SLC24A2: variants seen among roughly 807,000 people sequenced by gnomAD.
SLC24A2 encodes the protein solute carrier family 24 member 2.
A neutral mutation model predicts 62.0 loss-of-function variants in SLC24A2; 36 were observed. The ratio of observed to expected loss-of-function variants is 0.58; its 90% CI spans 0.44 to 0.77. The LOEUF is 0.77. Ranked by LOEUF, SLC24A2 falls within the 30% of genes least tolerant of loss-of-function variation. The pLI is 0.00. For missense variants in SLC24A2, 846 were observed against 817.9 expected (o/e 1.03, Z -0.42); for synonymous variants, 358 against 294.0 (o/e 1.22, Z -2.23).
At chr9:20,232,451 G>T in the SLC24A2 span, among the ~76,000 whole-genome samples, 1 of 152,046 alleles carries the variant, frequency 6.6e-6, no homozygotes, top group African/African-American at 2.4e-5. Flanking sequence ...ACTTCTTCCT[G>T]GTTTAGTCTT....
At chr9:19,658,921 C>T (rs10964245) in intron 2 of SLC24A2, among the ~76,000 whole-genome samples, 33,369 of 152,134 alleles carry the variant, frequency 0.22, 4,302 homozygotes, top group Non-Finnish European at 0.3. Context: ...TGAACCTTCA[C>T]GCAACGAACG....
chr9:19,828,800 G>T, the SLC24A2 span, among the ~76,000 whole-genome samples: 1 of 152,204 alleles, frequency 6.6e-6, no homozygotes, highest in Non-Finnish European at 1.5e-5. Flanking sequence ...AAGTCATCCA[G>T]CATCAGCTGC....
intron 9 of SLC24A2, 34 bp downstream of exon 9, chr9:19,528,015 A>C (rs1833519444): frequency 7.6e-7 from 1 of 1,322,608 alleles, no homozygotes; most frequent in African/African-American, 1.4e-5. Flanking sequence ...CTGGAGAAAA[A>C]CAAGGCAGAG....
At chr9:20,168,912 A>T in the SLC24A2 span, among the ~76,000 whole-genome samples, 1 of 152,054 alleles carries the variant, frequency 6.6e-6, no homozygotes, top group Non-Finnish European at 1.5e-5. Flanking sequence ...CAATGTTCAT[A>T]CCAGTACTAT....
chr9:19,709,061 A>T (rs1820627908), intron 2 of SLC24A2, among the ~76,000 whole-genome samples: 1 of 152,252 alleles, frequency 6.6e-6, no homozygotes, highest in Non-Finnish European at 1.5e-5. Context: ...ATTTACAAGA[A>T]AAAAACAAAC....
intron 2 of SLC24A2, among the ~76,000 whole-genome samples, chr9:19,759,391 G>T (rs1234197176): frequency 1.3e-5 from 2 of 152,158 alleles, no homozygotes; most frequent in Non-Finnish European, 2.9e-5. Context: ...TCAAGGAATA[G>T]ATTAATATTC....
intron 2 of SLC24A2, among the ~76,000 whole-genome samples, chr9:19,637,559 T>C (rs1311626050): frequency 2.6e-5 from 4 of 152,224 alleles, no homozygotes; most frequent in African/African-American, 9.6e-5. Context: ...ACCTGACTGG[T>C]CATTTTGGAA....
At chr9:19,893,673 T>C in the SLC24A2 span, among the ~76,000 whole-genome samples, 19 of 152,040 alleles carry the variant, frequency 1.2e-4, no homozygotes, top group African/African-American at 2.7e-4. Context: ...TCTCAGAGGG[T>C]TTAAGGTTGT....
At chr9:20,250,636 C>A in the SLC24A2 span, among the ~76,000 whole-genome samples, 2 of 151,728 alleles carry the variant, frequency 1.3e-5, no homozygotes, top group Admixed American at 1.3e-4. Flanking sequence ...GTGCTGAACA[C>A]AAGAGCCTAT....
At chr9:19,785,028 A>AT (rs1361630469) in intron 2 of SLC24A2, among the ~76,000 whole-genome samples, 1 of 152,184 alleles carries the variant, frequency 6.6e-6, no homozygotes, top group Non-Finnish European at 1.5e-5. Context: ...CTATGTAGGT[A>AT]TTTTGGCTTT....
At chr9:20,068,915 C>T in the SLC24A2 span, among the ~76,000 whole-genome samples, 1 of 152,058 alleles carries the variant, frequency 6.6e-6, no homozygotes, top group Non-Finnish European at 1.5e-5. Context: ...TCTTTATTTC[C>T]AGTTCACAGC....
chr9:19,950,344 T>G, the SLC24A2 span, among the ~76,000 whole-genome samples: 1 of 152,270 alleles, frequency 6.6e-6, no homozygotes, highest in East Asian at 1.9e-4. Flanking sequence ...TTAAGCTATT[T>G]GGTCTCTGAT....
intron 4 of SLC24A2, among the ~76,000 whole-genome samples, chr9:19,602,518 A>G (rs1163418981): frequency 6.6e-6 from 1 of 152,246 alleles, no homozygotes; most frequent in Non-Finnish European, 1.5e-5. Flanking sequence ...CATCAGGTAC[A>G]TTGAGACCTG....
At chr9:19,765,789 T>G (rs991591885) in intron 2 of SLC24A2, among the ~76,000 whole-genome samples, 1 of 152,224 alleles carries the variant, frequency 6.6e-6, no homozygotes, top group Admixed American at 6.5e-5. Context: ...GTTGCTCTTC[T>G]CGAGGAGTAT....
the SLC24A2 span, among the ~76,000 whole-genome samples, chr9:20,111,652 G>C: frequency 6.6e-6 from 1 of 152,096 alleles, no homozygotes; most frequent in Non-Finnish European, 1.5e-5. Flanking sequence ...TACTGAGACA[G>C]AATCTGCATC....
At chr9:20,263,861 G>GCCCCACCCC in the SLC24A2 span, among the ~76,000 whole-genome samples, 1 of 30,840 alleles carries the variant, frequency 3.2e-5, no homozygotes, top group South Asian at 1.5e-3. Context: ...TATCCCACCC[G>GCCCCACCCC]CCCCCCCCCC....
chr9:19,985,301 C>T, the SLC24A2 span, among the ~76,000 whole-genome samples: 2 of 152,070 alleles, frequency 1.3e-5, no homozygotes, highest in Non-Finnish European at 1.5e-5. Context: ...ATGTACATAG[C>T]AACTTCATTC....
At chr9:19,921,735 A>G in the SLC24A2 span, among the ~76,000 whole-genome samples, 1 of 152,048 alleles carries the variant, frequency 6.6e-6, no homozygotes, top group African/African-American at 2.4e-5. Flanking sequence ...AGAGAACACA[A>G]TGTCTAACCA....
At chr9:19,819,267 A>C in the SLC24A2 span, among the ~76,000 whole-genome samples, 1 of 152,210 alleles carries the variant, frequency 6.6e-6, no homozygotes, top group Middle Eastern at 3.4e-3. Context: ...CATTGGAAAA[A>C]CCCTCCTAGA....
Sources: allele counts gnomAD v4.1 joint callset (sites outside exome capture counted in the v4.1 genomes callset), GRCh38; gene constraint gnomAD v4.1.1; transcripts MANE v1.5; gene names NCBI Gene and HGNC (gene_info 2026-07-23, HGNC 2026-07-21).